XRRA1: variants seen among roughly 807,000 people sequenced by gnomAD.
XRRA1 encodes X-ray radiation resistance associated 1.
A neutral mutation model predicts 80.2 loss-of-function variants in XRRA1; 69 were observed. The observed-to-expected ratio is 0.86, with a 90% confidence interval of 0.71 to 1.05. The LOEUF (loss-of-function observed/expected upper bound fraction) is 1.05. Ranked by LOEUF, XRRA1 falls within the 50% of genes least tolerant of loss-of-function variation. XRRA1 has a pLI of 0.00. For missense variants in XRRA1, 967 were observed against 976.4 expected (o/e 0.99, Z 0.13); for synonymous variants, 348 against 389.9 (o/e 0.89, Z 1.27).
At chr11:74,888,967 T>G (rs568431855) in intron 10 of XRRA1, among the ~76,000 whole-genome samples, 1 of 152,312 alleles carries the variant, frequency 6.6e-6, no homozygotes, top group South Asian at 2.1e-4. Context: ...TGGAACAAGT[T>G]GGAAAACACT....
intron 10 of XRRA1, chr11:74,876,808 C>T (rs1331530666): frequency 2.0e-5 from 3 of 152,208 alleles, no homozygotes; most frequent in Non-Finnish European, 2.9e-5. Context: ...GCTATTCATC[C>T]TACTCAGTCC....
At position 74,930,147 on chromosome 11, in the gene XRRA1, G is replaced by A. The variant is rs762486807; in HGVS notation, c.424+153C>T. ...GTAGCGCCAGAGCAGGACTGGAATC[G>A]AGGTCTTTGTGCTCTCCAGCACCCA... On this transcript the variant is annotated intron_variant, in intron 6 of 18. Transcript: ENST00000684022. 5.3e-5 allele frequency among the ~76,000 whole-genome samples: 8 copies of A among 152,274 alleles called. 1 individual carries two copies. Among genetic ancestry groups the A allele is most frequent in the Admixed American group, 4.6e-4 (7 of 15,302 alleles).
intron 10 of XRRA1, among the ~76,000 whole-genome samples, chr11:74,897,844 G>A (rs1424745418): frequency 6.6e-6 from 1 of 151,874 alleles, no homozygotes; most frequent in Non-Finnish European, 1.5e-5. Flanking sequence ...CACAAGATAT[G>A]TCCTACAAGA....
chr11:74,902,342 T>G (rs542936304), intron 10 of XRRA1, among the ~76,000 whole-genome samples: 2 of 152,166 alleles, frequency 1.3e-5, no homozygotes, highest in Non-Finnish European at 2.9e-5. Context: ...ACAACCACTA[T>G]GAAGAACAGT....
intron 10 of XRRA1, among the ~76,000 whole-genome samples, chr11:74,874,412 GGGAATGGCCCTGGGAGTTTTAAC>G (rs1565288442): frequency 6.6e-6 from 1 of 152,080 alleles, no homozygotes; most frequent in Non-Finnish European, 1.5e-5. Context: ...CAGAAAGGAA[GGGAATGGCCCTGGGAGTTTTAAC>G]TCAAGCCCGA....
chr11:74,843,990 C>T (rs2037241966), intron 17 of XRRA1, 31 bp from the exon 18 acceptor site: 15 of 1,594,540 alleles, frequency 9.4e-6, no homozygotes, highest in Admixed American at 3.4e-5. Context: ...AGGGTGTTAT[C>T]CCAGGTTTAT....
In XRRA1 at chr11:74,945,977, T is replaced by C. The variant is rs900132641; in HGVS notation, c.-72-892A>G. On this transcript the variant is annotated intron_variant, in intron 1 of 18. Coordinates refer to ENST00000684022, the MANE Select transcript of XRRA1 (RefSeq NM_001378157.1). ...TTTTTTTATTTATTTTTTCTTTTTT[T>C]CTTGAGACAAGGTCTCACTCTGTTA... 3.3e-5 allele frequency among the ~76,000 whole-genome samples: 5 copies of C among 152,094 alleles called. No homozygotes were observed. In the East Asian group the frequency reaches 5.8e-4, roughly 18 times the overall value.
chr11:74,868,407 C>A (rs1376655469), intron 10 of XRRA1, among the ~76,000 whole-genome samples: 1 of 152,148 alleles, frequency 6.6e-6, no homozygotes, highest in Non-Finnish European at 1.5e-5. Context: ...AAGACTGTTA[C>A]CGGCCACTAC....
intron 10 of XRRA1, among the ~76,000 whole-genome samples, chr11:74,875,744 G>A (rs182830108): frequency 2.6e-5 from 4 of 152,246 alleles, no homozygotes; most frequent in Non-Finnish European, 4.4e-5. Flanking sequence ...GGTGGTGCAC[G>A]CCTGTAATCC....
chr11:74,844,985 G>T, intron 16 of XRRA1, 88 bp downstream of exon 16: 1 of 1,377,054 alleles, frequency 7.3e-7, no homozygotes, highest in Non-Finnish European at 1.0e-6. Flanking sequence ...GGAAAAGACA[G>T]CTTGGTGCCA....
At chr11:74,844,310 A>G in intron 16 of XRRA1, 27 bp from the exon 17 acceptor site, 1 of 1,570,070 alleles carries the variant, frequency 6.4e-7, no homozygotes, top group East Asian at 2.2e-5. Flanking sequence ...AGACTGAGTC[A>G]AGGCACTTCC....
chr11:74,926,585 CAT>C (rs1319410181), intron 7 of XRRA1, among the ~76,000 whole-genome samples: 4 of 152,290 alleles, frequency 2.6e-5, no homozygotes, highest in South Asian at 2.1e-4. Context: ...TTACTCTCCA[CAT>C]ATGTTGTCCT....
rs1336700811 is a variant in XRRA1 at position 74,852,051 on chromosome 11, G to T, written c.1202C>A (p.Ala401Asp). The T allele has an allele frequency of 6.2e-7, 1 of 1,613,954 alleles. No homozygotes were observed. Residue 401 changes from alanine to aspartate, a missense_variant, in exon 13 of 19, where the codon GCT (alanine) becomes GAT (aspartate). Ala to Asp is a moderately radical substitution (Grantham distance 126). Transcript: ENST00000684022. ...IAKEDAVLPV[A>D]LFPSLCEFVF... The stretch of plus-strand genomic sequence containing the variant: ...GAACTCGCAGAGAGATGGGAAGAGA[G>T]CTACTGGTAGGACAGCATCCTCTTT...
chr11:74,930,181 T>C (rs1943187341), intron 6 of XRRA1, 119 bp downstream of exon 6: 2 of 845,018 alleles, frequency 2.4e-6, no homozygotes, highest in African/African-American at 1.7e-5. Flanking sequence ...CAGCCTATTG[T>C]ACTCCAAAAA....
At position 74,921,262 on chromosome 11, in the gene XRRA1, G is replaced by A. The variant is rs765465931; in HGVS notation, c.608C>T (p.Thr203Ile). Residue 203 changes from threonine to isoleucine, a missense_variant, in exon 8 of 19, where the codon ACA (threonine) becomes ATA (isoleucine). By Grantham distance (89) the Thr-to-Ile change is moderately conservative. Transcript: ENST00000684022. The stretch of plus-strand genomic sequence containing the variant: ...CGGCAGGGAGGTAAGGCCATTGCCT[G>A]TGAGGAGCAGGACACGGAGGTGTGG... ...ILPHLRVLLL[T>I]GNGLTSLPPN... is the part of the protein sequence containing the mutation. 36 of 1,613,916 alleles carry A rather than the reference G, an allele frequency of 2.2e-5. No individual in the cohort carries two copies. Among genetic ancestry groups the A allele is most frequent in the Non-Finnish European group, 3.1e-5 (36 of 1,179,906 alleles).
At chr11:74,908,822 A>G (rs2055210075) in intron 8 of XRRA1, among the ~76,000 whole-genome samples, 1 of 152,332 alleles carries the variant, frequency 6.6e-6, no homozygotes, top group Admixed American at 6.5e-5. Context: ...AAGAGAGAAC[A>G]GGGAAAAAAA....
chr11:74,948,841 G>A (rs775033625), intron 1 of XRRA1, 87 bp downstream of exon 1: 4 of 159,426 alleles, frequency 2.5e-5, no homozygotes, highest in African/African-American at 4.8e-5. Context: ...AGAAAAGGAT[G>A]AAGGACAAGC....
chr11:74,917,497 C>A lies in XRRA1; in HGVS notation c.656+3717G>T, dbSNP rs115910719. On this transcript the variant is annotated intron_variant, in intron 8 of 18. Coordinates refer to ENST00000684022, the MANE Select transcript of XRRA1 (RefSeq NM_001378157.1). The stretch of plus-strand genomic sequence containing the variant: ...TGTTGTCTAGATGAGGAGACAGATT[C>A]TTGGTGCTTCCTACTCCATCATCTT... Among the ~76,000 whole-genome samples the A allele has an allele frequency of 4.2e-3, 642 of 152,238 alleles. 2 individuals carry two copies. The highest frequency in any genetic ancestry group is 0.015 in the African/African-American group (611 of 41,546).
At chr11:74,864,478 C>G (rs563577229) in intron 10 of XRRA1, among the ~76,000 whole-genome samples, 1 of 152,312 alleles carries the variant, frequency 6.6e-6, no homozygotes, top group East Asian at 1.9e-4. Context: ...TTTTGAAACC[C>G]TGGTGGATCC....
Sources: allele counts gnomAD v4.1 joint callset (sites outside exome capture counted in the v4.1 genomes callset), GRCh38; gene constraint gnomAD v4.1.1; transcripts MANE v1.5; gene names NCBI Gene and HGNC (gene_info 2026-07-23, HGNC 2026-07-21).